Variants in C10orf90 observed in about 807,000 individuals in gnomAD.
C10orf90 encodes (E2-independent) E3 ubiquitin-conjugating enzyme FATS.
C10orf90 carries 56 observed loss-of-function variants against 62.5 expected under a neutral mutation model. The observed-to-expected ratio is 0.90, with a 90% CI of 0.72 to 1.12. The LOEUF (loss-of-function observed/expected upper bound fraction) is 1.12. Ranked by LOEUF, C10orf90 falls within the 50% of genes most tolerant of loss-of-function variation. The pLI is 0.00. For missense variants in C10orf90, 970 were observed against 880.4 expected (o/e 1.10, Z -1.29); for synonymous variants, 386 against 340.4 (o/e 1.13, Z -1.47).
intron 7 of C10orf90, among the ~76,000 whole-genome samples, chr10:126,431,685 A>T (rs1194127043): frequency 6.6e-6 from 1 of 152,224 alleles, no homozygotes; most frequent in East Asian, 1.9e-4. Context: ...GGGTAGACAG[A>T]CGGTGTCCTG....
chr10:126,510,941 C>G (rs1159695147), intron 3 of C10orf90, among the ~76,000 whole-genome samples: 5 of 152,240 alleles, frequency 3.3e-5, no homozygotes, highest in Non-Finnish European at 7.3e-5. Context: ...GAATAAGGCT[C>G]TCCTCCCATC....
chr10:126,461,591 A>G lies in C10orf90; in HGVS notation c.1826-6T>C, dbSNP rs1005587953. ...GTCACAGCATGTGTAATCTCCTAGG[A>G]GAGAAGATTTAGAATCCCATTTAGA... On this transcript the variant is annotated splice_region_variant and splice_polypyrimidine_tract_variant and intron_variant, in intron 5 of 9. Coordinates refer to ENST00000488181, the MANE Select transcript of C10orf90 (RefSeq NM_001350921.2). 6.2e-7 allele frequency: 1 copy of G among 1,610,962 alleles called. No homozygotes were observed. The highest frequency in any genetic ancestry group is 1.3e-5 in the African/African-American group (1 of 74,672).
At chr10:126,666,035 A>G (rs1846620543) in intron 1 of C10orf90, among the ~76,000 whole-genome samples, 1 of 152,230 alleles carries the variant, frequency 6.6e-6, no homozygotes, top group Admixed American at 6.5e-5. Flanking sequence ...CATCAGGTAG[A>G]GTCCTCAGAA....
chr10:126,566,876 G>C (rs537276205), intron 2 of C10orf90, among the ~76,000 whole-genome samples: 1 of 152,170 alleles, frequency 6.6e-6, no homozygotes, highest in Admixed American at 6.5e-5. Flanking sequence ...GAAGACAGGT[G>C]GGGGAGGGAC....
rs147404108 is a variant in C10orf90, at chr10:126,440,175, T to TGTCCA, written c.2189-10330_2189-10326dup. On this transcript the variant is annotated intron_variant, in intron 7 of 9. Transcript: ENST00000488181. ...CTTGGGGCAAGTTCTTAGCCCTGCT[T>TGTCCA]GTCCACTGCCTGGAAACAGACTTGG... Among the ~76,000 whole-genome samples the TGTCCA allele has an allele frequency of 0.017, 2,598 of 152,248 alleles. 233 individuals carry two copies. The East Asian group carries it at 0.3, about 17-fold the overall frequency.
At chr10:126,637,074 C>A (rs1845966188) in intron 2 of C10orf90, among the ~76,000 whole-genome samples, 1 of 152,052 alleles carries the variant, frequency 6.6e-6, no homozygotes, top group African/African-American at 2.4e-5. Flanking sequence ...TTTAAAGGAG[C>A]CGAAAGTCAC....
At chr10:126,542,374 G>A (rs1008305825) in intron 2 of C10orf90, among the ~76,000 whole-genome samples, 2 of 151,996 alleles carry the variant, frequency 1.3e-5, no homozygotes, top group African/African-American at 4.8e-5. Flanking sequence ...GTGGTGGCAG[G>A]CACCTGTAAT....
intron 1 of C10orf90, among the ~76,000 whole-genome samples, chr10:126,662,811 T>C (rs1846544571): frequency 6.9e-6 from 1 of 144,078 alleles, no homozygotes; most frequent in Non-Finnish European, 1.5e-5. Context: ...TCTTGCTGAG[T>C]TCTCTGGATC....
intron 2 of C10orf90, among the ~76,000 whole-genome samples, chr10:126,586,103 C>G (rs1457109929): frequency 6.6e-6 from 1 of 152,216 alleles, no homozygotes; most frequent in East Asian, 1.9e-4. Flanking sequence ...GTTACATGTC[C>G]TAATTCCATG....
intron 4 of C10orf90, among the ~76,000 whole-genome samples, chr10:126,475,611 A>G (rs113834641): frequency 1.3e-3 from 203 of 151,634 alleles, no homozygotes; most frequent in African/African-American, 4.5e-3. Flanking sequence ...AAATGGGCAT[A>G]TGAGTATGCT....
Position 126,524,541 on chromosome 10 carries a change from A to G in C10orf90, c.314-10602T>C, listed in dbSNP as rs181154680. The G allele has an allele frequency of 6.5e-5, 49 of 756,744 alleles. No individual in the cohort carries two copies. In the African/African-American group the frequency reaches 9.1e-4, roughly 14 times the overall value. 46.9% of individuals were successfully genotyped at this position (756,744 alleles called of 1,614,324 possible). ...AGAGAGTCAGGGCTTAGGCAGCAAG[A>G]AGGTGCACTGGGAGAAGCTGAAAGA... On this transcript the variant is annotated intron_variant, in intron 2 of 9. Coordinates refer to ENST00000488181, the MANE Select transcript of C10orf90 (RefSeq NM_001350921.2).
At chr10:126,632,119 C>CA (rs1214405519) in intron 2 of C10orf90, among the ~76,000 whole-genome samples, 1 of 152,130 alleles carries the variant, frequency 6.6e-6, no homozygotes, top group Non-Finnish European at 1.5e-5. Context: ...CCAGAAGTCT[C>CA]AGAGTTCATA....
intron 6 of C10orf90, 130 bp downstream of exon 6, chr10:126,461,271 T>G: frequency 2.8e-6 from 3 of 1,068,818 alleles, no homozygotes; most frequent in Non-Finnish European, 4.0e-6. Context: ...ACCTGCCCAG[T>G]CACACAGCTG....
chr10:126,603,297 G>A (rs1251431753), intron 2 of C10orf90, among the ~76,000 whole-genome samples: 1 of 152,024 alleles, frequency 6.6e-6, no homozygotes, highest in African/African-American at 2.4e-5. Flanking sequence ...TTCACGTGGC[G>A]GCATCAAGGA....
chr10:126,443,404 T>C (rs1353933355), intron 7 of C10orf90, among the ~76,000 whole-genome samples: 1 of 151,910 alleles, frequency 6.6e-6, no homozygotes, highest in African/African-American at 2.4e-5. Context: ...GTGTATAAAC[T>C]AGAAAACACA....
At chr10:126,500,144 C>T (rs192394083) in intron 4 of C10orf90, among the ~76,000 whole-genome samples, 2 of 152,264 alleles carry the variant, frequency 1.3e-5, no homozygotes, top group East Asian at 3.9e-4. Flanking sequence ...GTTCACTCTC[C>T]TAATAGTCTA....
intron 5 of C10orf90, 115 bp downstream of exon 5, chr10:126,464,581 G>C (rs1590952805): frequency 3.5e-6 from 4 of 1,156,272 alleles, no homozygotes; most frequent in Non-Finnish European, 4.9e-6. Context: ...AGTTGGAGAA[G>C]GGGAGGTTTC....
chr10:126,635,686 A>T (rs1845937081), intron 2 of C10orf90, among the ~76,000 whole-genome samples: 1 of 152,172 alleles, frequency 6.6e-6, no homozygotes, highest in South Asian at 2.1e-4. Context: ...ATCATGTTTG[A>T]CACACTATGG....
At chr10:126,649,080 C>CCGCCCCT (rs1554932183) in intron 1 of C10orf90, among the ~76,000 whole-genome samples, 1 of 118,754 alleles carries the variant, frequency 8.4e-6, no homozygotes, top group African/African-American at 3.3e-5. Context: ...CTCCCCCCCC[C>CCGCCCCT]CCAGCAATTC....
Sources: allele counts gnomAD v4.1 joint callset (sites outside exome capture counted in the v4.1 genomes callset), GRCh38; gene constraint gnomAD v4.1.1; transcripts MANE v1.5; gene names NCBI Gene and HGNC (gene_info 2026-07-23, HGNC 2026-07-21).